Variants in ULK2 observed in about 807,000 individuals in gnomAD.
ULK2 encodes the protein serine/threonine-protein kinase ULK2.
In ULK2, 76 loss-of-function variants were observed where a neutral mutation model predicts 127.5. The ratio of observed to expected loss-of-function variants is 0.60; its 90% CI spans 0.50 to 0.72. The LOEUF (loss-of-function observed/expected upper bound fraction) is 0.72, where lower values mean the gene tolerates loss of function less well. Ranked by LOEUF, ULK2 falls within the 30% of genes least tolerant of loss-of-function variation. The pLI, the probability that ULK2 is intolerant of heterozygous loss-of-function variation, is 0.00. For missense variants in ULK2, 1,144 were observed against 1,295.9 expected (o/e 0.88, Z 1.80); for synonymous variants, 452 against 461.9 (o/e 0.98, Z 0.28).
intron 14 of ULK2, among the ~76,000 whole-genome samples, chr17:19,810,039 G>A (rs1312870337): frequency 3.3e-5 from 5 of 151,938 alleles, no homozygotes; most frequent in Non-Finnish European, 7.4e-5. Flanking sequence ...AGACCATCCC[G>A]GCTAACCCAG....
At chr17:19,848,943 T>C (rs939039930) in intron 5 of ULK2, among the ~76,000 whole-genome samples, 1 of 152,210 alleles carries the variant, frequency 6.6e-6, no homozygotes, top group African/African-American at 2.4e-5. Context: ...TAATGCCTTA[T>C]AATTTTTGTT....
intron 10 of ULK2, among the ~76,000 whole-genome samples, chr17:19,830,844 T>C (rs1192630967): frequency 1.3e-5 from 2 of 152,054 alleles, no homozygotes; most frequent in South Asian, 2.1e-4. Context: ...CTGGCCAACA[T>C]GGTGAAACCC....
intron 3 of ULK2, among the ~76,000 whole-genome samples, chr17:19,862,447 T>C (rs758360703): frequency 5.3e-5 from 8 of 151,894 alleles, no homozygotes; most frequent in Admixed American, 1.3e-4. Flanking sequence ...TGTTATGATA[T>C]GACCACATGA....
At chr17:19,819,754 A>G (rs1310334538) in intron 12 of ULK2, among the ~76,000 whole-genome samples, 1 of 152,160 alleles carries the variant, frequency 6.6e-6, no homozygotes, top group Non-Finnish European at 1.5e-5. Context: ...TTCCAAGTTC[A>G]AGCAATCTTC....
chr17:19,808,065 C>G (rs2087552141), intron 14 of ULK2, among the ~76,000 whole-genome samples: 1 of 152,172 alleles, frequency 6.6e-6, no homozygotes, highest in African/African-American at 2.4e-5. Flanking sequence ...GAAATCGCAC[C>G]ATTGCACTCC....
Position 19,776,184 on chromosome 17 carries a change from T to C in ULK2, c.*165A>G, listed in dbSNP as rs767428343. 8.7e-6 allele frequency: 5 copies of C among 577,086 alleles called. No individual in the cohort carries two copies. Among genetic ancestry groups the C allele is most frequent in the Non-Finnish European group, 1.5e-5 (5 of 338,618 alleles). 35.7% of individuals were successfully genotyped at this position (577,086 alleles called of 1,614,324 possible). A position where few individuals can be genotyped will look rare whatever the true frequency, so the allele number is the denominator to read the frequency against. On this transcript the variant is annotated 3_prime_UTR_variant, in exon 27 of 27. Coordinates refer to ENST00000395544, the MANE Select transcript of ULK2 (RefSeq NM_014683.4). Reference sequence around the variant, plus strand: ...CAATAAGGCAGATTTCCTACAAATATGTAGTTTTTGGATTGTTTTTCCTTT... The same window carrying C: ...CAATAAGGCAGATTTCCTACAAATACGTAGTTTTTGGATTGTTTTTCCTTT...
Position 19,774,804 on chromosome 17 carries a change from G to A in ULK2, c.*1545C>T, listed in dbSNP as rs2086787109. 1 of 152,568 alleles carries A rather than the reference G, an allele frequency of 6.6e-6. No individual in the cohort carries two copies. Among genetic ancestry groups the A allele is most frequent in the Admixed American group, 6.5e-5 (1 of 15,274 alleles). The allele number at this position is 152,568 out of a possible 1,614,324, so 9.5% of individuals were successfully genotyped here. ...CATTTGTACAGGCAATAATAAAAAGGCTATTACACAACAATTCAGTGAGTT... is the reference window on the plus strand; with the variant it reads ...CATTTGTACAGGCAATAATAAAAAGACTATTACACAACAATTCAGTGAGTT... On this transcript the variant is annotated 3_prime_UTR_variant, in exon 27 of 27. Coordinates refer to ENST00000395544, the MANE Select transcript of ULK2 (RefSeq NM_014683.4).
chr17:19,786,113 A>G lies in ULK2; in HGVS notation c.2102-27T>C, dbSNP rs867649359. On this transcript the variant is annotated intron_variant, in intron 20 of 26. Transcript: ENST00000395544. ...TACAACAAAAAGTTTATAGAAGGTC[A>G]TATTACCCTGATAGTGTTTATATCT... 12 of 1,554,734 alleles carry G rather than the reference A, an allele frequency of 7.7e-6. No homozygotes were observed. The African/African-American group carries it at 8.5e-5, about 11-fold the overall frequency.
At chr17:19,788,003 G>A (rs564078009) in intron 20 of ULK2, among the ~76,000 whole-genome samples, 35 of 152,296 alleles carry the variant, frequency 2.3e-4, no homozygotes, top group Non-Finnish European at 5.9e-5. Context: ...GCTGGTGTCC[G>A]CCCACGGAGG....
At chr17:19,838,302 A>C (rs1221994879) in intron 10 of ULK2, among the ~76,000 whole-genome samples, 199 bp downstream of exon 10, 2 of 151,768 alleles carry the variant, frequency 1.3e-5, no homozygotes, top group South Asian at 2.1e-4. Context: ...TTACATGAGG[A>C]GAGTGATTTT....
chr17:19,845,383 T>C lies in ULK2; in HGVS notation c.470-6A>G, dbSNP rs564433446. 5.6e-6 allele frequency: 9 copies of C among 1,612,894 alleles called. No homozygotes were observed. The East Asian group carries it at 2.0e-4, about 36-fold the overall frequency. ...ACGAGCAAAACCAAAATCCGCTATT[T>C]CACAAAACAGAAAGTAGAAAAGCAA... On this transcript the variant is annotated splice_polypyrimidine_tract_variant and splice_region_variant and intron_variant, in intron 6 of 26. Transcript: ENST00000395544.
At chr17:19,780,654 TAATTTTAATTTTC>T in intron 24 of ULK2, 25 bp from the exon 25 acceptor site, 1 of 1,579,614 alleles carries the variant, frequency 6.3e-7, no homozygotes, top group Non-Finnish European at 8.6e-7. Context: ...AGATGGGAAC[TAATTTTAATTTTC>T]CTCCAGAAAT....
chr17:19,777,420 G>A (rs2152380594), intron 26 of ULK2, among the ~76,000 whole-genome samples, 161 bp downstream of exon 26: 1 of 152,224 alleles, frequency 6.6e-6, no homozygotes, highest in Admixed American at 6.5e-5. Flanking sequence ...CCTATTTTAT[G>A]AAAAAGAAGC....
At chr17:19,822,414 T>C (rs1006581959) in intron 12 of ULK2, among the ~76,000 whole-genome samples, 1 of 151,934 alleles carries the variant, frequency 6.6e-6, no homozygotes, top group South Asian at 2.1e-4. Context: ...TACGCTGGAG[T>C]GCAGTGGCAT....
chr17:19,838,033 T>G (rs1303335594), intron 10 of ULK2, among the ~76,000 whole-genome samples: 1 of 152,168 alleles, frequency 6.6e-6, no homozygotes, highest in African/African-American at 2.4e-5. Context: ...CTCCCAGCCC[T>G]CATCATTTAT....
At chr17:19,837,036 C>T (rs994770172) in intron 10 of ULK2, among the ~76,000 whole-genome samples, 1 of 151,134 alleles carries the variant, frequency 6.6e-6, no homozygotes. Context: ...CGGTGAGCTA[C>T]GATCACACCA....
chr17:19,814,438 ATTTTT>A (rs1187090319), intron 13 of ULK2, among the ~76,000 whole-genome samples: 7 of 23,326 alleles, frequency 3.0e-4, no homozygotes, highest in African/African-American at 1.3e-3. Context: ...ATATATATAT[ATTTTT>A]TTTTTTTTTT....
At position 19,776,198 on chromosome 17, in the gene ULK2, TG is replaced by T. The variant is rs1239687352; in HGVS notation, c.*150del. ...TCCTACAAATATGTAGTTTTTGGAT[TG>T]TTTTTCCTTTTTCAAATCACTGCTT... On this transcript the variant is annotated 3_prime_UTR_variant, in exon 27 of 27. Transcript: ENST00000395544. 3.2e-6 allele frequency: 2 copies of T among 616,760 alleles called. No individual in the cohort carries two copies. The highest frequency in any genetic ancestry group is 3.9e-5 in the African/African-American group (2 of 51,640). The allele number at this position is 616,760 out of a possible 1,614,324, so 38.2% of individuals were successfully genotyped here. A position where few individuals can be genotyped will look rare whatever the true frequency, so the allele number is the denominator to read the frequency against.
chr17:19,776,468 A>G, intron 26 of ULK2, 61 bp from the exon 27 acceptor site: 1 of 1,409,380 alleles, frequency 7.1e-7, no homozygotes, highest in Non-Finnish European at 9.7e-7. Context: ...TGTCATCTCT[A>G]TTCTATCTTT....
Sources: allele counts gnomAD v4.1 joint callset (sites outside exome capture counted in the v4.1 genomes callset), GRCh38; gene constraint gnomAD v4.1.1; transcripts MANE v1.5; gene names NCBI Gene and HGNC (gene_info 2026-07-23, HGNC 2026-07-21).